The following SAMMSON variants were observed in gnomAD, a reference collection of about 807,000 sequenced individuals.
SAMMSON encodes the protein long intergenic non-protein coding RNA 1212.
intron 4 of SAMMSON, among the ~76,000 whole-genome samples, chr3:70,214,595 G>A (rs1430098104): frequency 1.8e-5 from 2 of 110,158 alleles, no homozygotes; most frequent in African/African-American, 6.9e-5. Flanking sequence ...AATTTTTGGG[G>A]GCTGAAGTGG....
chr3:70,234,639 CA>C (rs34609524), intron 4 of SAMMSON, among the ~76,000 whole-genome samples: 13,489 of 118,600 alleles, frequency 0.11, 929 homozygotes, highest in African/African-American at 0.24. Context: ...GACCCTGGCT[CA>C]AAAAAAAAAA....
At chr3:70,057,652 G>T (rs2067172945) in intron 3 of SAMMSON, among the ~76,000 whole-genome samples, 1 of 151,148 alleles carries the variant, frequency 6.6e-6, no homozygotes, top group South Asian at 2.1e-4. Context: ...ATATGTATAT[G>T]GATGAGTGTG....
At chr3:70,412,242 G>A (rs1197597491) in intron 2 of SAMMSON, among the ~76,000 whole-genome samples, 1 of 152,016 alleles carries the variant, frequency 6.6e-6, no homozygotes, top group Non-Finnish European at 1.5e-5. Context: ...TGTAGTGTAG[G>A]GGTCAAACCC....
chr3:70,373,428 T>G (rs540094100), intron 9 of SAMMSON, among the ~76,000 whole-genome samples: 1 of 152,308 alleles, frequency 6.6e-6, no homozygotes, highest in South Asian at 2.1e-4. Flanking sequence ...AGTTTGACTG[T>G]AATATGTCTT....
chr3:70,433,996 A>G (rs1362978469), intron 2 of SAMMSON, among the ~76,000 whole-genome samples: 2 of 152,126 alleles, frequency 1.3e-5, no homozygotes, highest in Admixed American at 6.5e-5. Context: ...TGTTCCATTC[A>G]TCTGTTCATC....
At chr3:70,250,439 ACACACACACAC>A (rs1701751933) in intron 6 of SAMMSON, among the ~76,000 whole-genome samples, 1 of 151,582 alleles carries the variant, frequency 6.6e-6, no homozygotes, top group African/African-American at 2.4e-5. Context: ...ACACACACAC[ACACACACACAC>A]AAACACAAAC....
At chr3:70,145,112 G>C (rs2067543066) in intron 4 of SAMMSON, among the ~76,000 whole-genome samples, 1 of 152,022 alleles carries the variant, frequency 6.6e-6, no homozygotes, top group African/African-American at 2.4e-5. Flanking sequence ...TGCAGCCATA[G>C]AAAATCTCAG....
At chr3:70,121,090 A>C (rs556711041) in intron 4 of SAMMSON, among the ~76,000 whole-genome samples, 1 of 152,318 alleles carries the variant, frequency 6.6e-6, no homozygotes, top group African/African-American at 2.4e-5. Flanking sequence ...AGGAGCACGC[A>C]ATCTAGATTC....
At chr3:70,120,790 A>G (rs550324849) in intron 4 of SAMMSON, 3 of 152,250 alleles carry the variant, frequency 2.0e-5, no homozygotes, top group Non-Finnish European at 4.4e-5. Context: ...CAATGATCAT[A>G]TAGAGCAGTG....
chr3:70,397,499 T>A (rs143623530), intron 2 of SAMMSON, among the ~76,000 whole-genome samples: 183 of 152,276 alleles, frequency 1.2e-3, no homozygotes, highest in African/African-American at 3.9e-3. Flanking sequence ...AAAAAGGATT[T>A]TTAACATTTG....
intron 7 of SAMMSON, among the ~76,000 whole-genome samples, chr3:70,305,331 A>C (rs1028505000): frequency 6.6e-6 from 1 of 152,342 alleles, no homozygotes; most frequent in African/African-American, 2.4e-5. Flanking sequence ...GAGTTAATGA[A>C]AACTACAGAA....
At chr3:70,268,637 T>G (rs1035009811) in intron 6 of SAMMSON, among the ~76,000 whole-genome samples, 7 of 152,224 alleles carry the variant, frequency 4.6e-5, no homozygotes, top group African/African-American at 1.7e-4. Context: ...ACATGTAGCT[T>G]TCTTTGTCAA....
intron 9 of SAMMSON, among the ~76,000 whole-genome samples, chr3:70,379,798 G>A (rs805483): frequency 0.55 from 83,853 of 151,700 alleles, 23,410 homozygotes; most frequent in East Asian, 0.6. Context: ...GCAAAAAAAA[G>A]GAAAGCGTGT....
intron 8 of SAMMSON, among the ~76,000 whole-genome samples, chr3:70,355,133 C>T (rs756349994): frequency 6.6e-6 from 1 of 152,288 alleles, no homozygotes; most frequent in East Asian, 1.9e-4. Flanking sequence ...GACTTCAGGT[C>T]TCTTCTGAAT....
intron 7 of SAMMSON, among the ~76,000 whole-genome samples, chr3:70,319,522 G>A (rs989493865): frequency 6.6e-6 from 1 of 152,154 alleles, no homozygotes. Flanking sequence ...ACACAGTAGA[G>A]ATAGTCTTCT....
At chr3:70,022,662 A>G (rs1275106190) in intron 3 of SAMMSON, among the ~76,000 whole-genome samples, 1 of 152,216 alleles carries the variant, frequency 6.6e-6, no homozygotes, top group East Asian at 1.9e-4. Flanking sequence ...CTTTGGACTT[A>G]GCATCTTACC....
At chr3:70,051,395 T>C (rs894348000) in intron 3 of SAMMSON, among the ~76,000 whole-genome samples, 2 of 147,798 alleles carry the variant, frequency 1.4e-5, no homozygotes, top group Non-Finnish European at 3.0e-5. Flanking sequence ...GGAAATCATA[T>C]ATAAATATTT....
intron 1 of SAMMSON, chr3:70,009,387 G>A (rs181643172): frequency 6.6e-6 from 1 of 152,292 alleles, no homozygotes; most frequent in Non-Finnish European, 1.5e-5. Flanking sequence ...ATGTGTTGAG[G>A]AATTTATCCA....
chr3:70,139,693 A>G (rs1419135481), intron 4 of SAMMSON, among the ~76,000 whole-genome samples: 1 of 152,144 alleles, frequency 6.6e-6, no homozygotes, highest in East Asian at 1.9e-4. Context: ...GTGGCCCCTC[A>G]TTTGAAATTG....
Sources: allele counts gnomAD v4.1 joint callset (sites outside exome capture counted in the v4.1 genomes callset), GRCh38; gene constraint gnomAD v4.1.1; transcripts MANE v1.5; gene names NCBI Gene and HGNC (gene_info 2026-07-23, HGNC 2026-07-21).